ZNF385D: variants seen among roughly 807,000 people sequenced by gnomAD.
ZNF385D encodes zinc finger protein 385D.
ZNF385D carries 15 observed loss-of-function variants against 35.8 expected under a neutral mutation model. The ratio of observed to expected loss-of-function variants is 0.42; its 90% confidence interval spans 0.28 to 0.64. The LOEUF (loss-of-function observed/expected upper bound fraction) is 0.64. Among genes scored for constraint, ZNF385D ranks in the 30% least tolerant of loss-of-function variants. The pLI is 0.23. For missense variants in ZNF385D, 474 were observed against 494.6 expected (o/e 0.96, Z 0.39); for synonymous variants, 212 against 186.8 (o/e 1.13, Z -1.10).
Position 21,932,577 on chromosome 3 carries a change from C to T in ZNF385D, c.325+236240G>A, listed in dbSNP as rs145786200. ...TGCAGTTACTTTATGTGGCTGATTACGTGGGGAGACAAAAGCTTTAACAAT... is the reference window on the plus strand; with the variant it reads ...TGCAGTTACTTTATGTGGCTGATTATGTGGGGAGACAAAAGCTTTAACAAT... On this transcript the variant is annotated intron_variant, in intron 3 of 5. Coordinates refer to the ZNF385D transcript ENST00000494108. 2.5e-3 allele frequency among the ~76,000 whole-genome samples: 381 copies of T among 151,832 alleles called. 1 individual carries two copies. The highest frequency in any genetic ancestry group is 8.6e-3 in the African/African-American group (357 of 41,366).
At chr3:21,968,083 G>A (rs1703010862) in intron 3 of ZNF385D, among the ~76,000 whole-genome samples, 1 of 152,162 alleles carries the variant, frequency 6.6e-6, no homozygotes, top group South Asian at 2.1e-4. Context: ...GGTGCAGAGA[G>A]AGTATCCATG....
chr3:21,477,255 C>A (rs1232219494), intron 4 of ZNF385D, among the ~76,000 whole-genome samples: 1 of 151,816 alleles, frequency 6.6e-6, no homozygotes, highest in African/African-American at 2.4e-5. Flanking sequence ...CAAAACTAAA[C>A]AAAACAAACA....
chr3:21,843,084 A>C (rs1695779520), intron 3 of ZNF385D, among the ~76,000 whole-genome samples: 1 of 152,076 alleles, frequency 6.6e-6, no homozygotes, highest in African/African-American at 2.4e-5. Context: ...CTTTTATTGG[A>C]AACTATTTAT....
chr3:21,544,290 C>T (rs763447111), intron 3 of ZNF385D, among the ~76,000 whole-genome samples: 8 of 152,166 alleles, frequency 5.3e-5, no homozygotes, highest in Non-Finnish European at 7.3e-5. Context: ...ACAGACTTGA[C>T]TAAGAAGGCA....
At chr3:21,892,432 T>C (rs1698915944) in intron 3 of ZNF385D, among the ~76,000 whole-genome samples, 1 of 152,204 alleles carries the variant, frequency 6.6e-6, no homozygotes, top group South Asian at 2.1e-4. Context: ...AGTGTGCTCT[T>C]ACCCTTAACT....
At chr3:22,143,724 G>A (rs909484633) in intron 3 of ZNF385D, among the ~76,000 whole-genome samples, 1 of 151,998 alleles carries the variant, frequency 6.6e-6, no homozygotes, top group Admixed American at 6.6e-5. Flanking sequence ...TTTTACTTAA[G>A]ATTATGTTCT....
chr3:21,694,258 T>C (rs961243965), intron 1 of ZNF385D, among the ~76,000 whole-genome samples: 3 of 151,902 alleles, frequency 2.0e-5, no homozygotes, highest in African/African-American at 7.3e-5. Flanking sequence ...TTAGCCAGGA[T>C]GGTCTTGACC....
At chr3:22,297,875 G>A (rs7631669) in intron 2 of ZNF385D, among the ~76,000 whole-genome samples, 12,470 of 151,928 alleles carry the variant, frequency 0.082, 1,315 homozygotes, top group African/African-American at 0.25. Flanking sequence ...CGTACAACGC[G>A]TATTTTCATC....
At chr3:22,228,122 T>C (rs1372707532) in intron 2 of ZNF385D, among the ~76,000 whole-genome samples, 1 of 152,070 alleles carries the variant, frequency 6.6e-6, no homozygotes, top group Non-Finnish European at 1.5e-5. Flanking sequence ...GCAGAGATGG[T>C]AGCACTCAGC....
intron 3 of ZNF385D, among the ~76,000 whole-genome samples, chr3:22,048,038 GTCT>G (rs1699112966): frequency 6.6e-6 from 1 of 152,040 alleles, no homozygotes; most frequent in African/African-American, 2.4e-5. Context: ...TCATTTCTAT[GTCT>G]TCTTTTGAGA....
At chr3:22,241,027 T>G (rs1699465124) in intron 2 of ZNF385D, among the ~76,000 whole-genome samples, 1 of 151,246 alleles carries the variant, frequency 6.6e-6, no homozygotes. Context: ...TATGTGAATG[T>G]TCATTCAATT....
chr3:22,015,500 C>T (rs1351327), intron 3 of ZNF385D, among the ~76,000 whole-genome samples: 1 of 151,994 alleles, frequency 6.6e-6, no homozygotes, highest in South Asian at 2.1e-4. Context: ...TTCCAACATT[C>T]TGCTTCATCA....
chr3:21,778,950 G>A (rs1215224709), intron 3 of ZNF385D, among the ~76,000 whole-genome samples: 1 of 151,902 alleles, frequency 6.6e-6, no homozygotes, highest in East Asian at 1.9e-4. Flanking sequence ...AACAAACCTA[G>A]CCTGTTACAG....
At chr3:22,257,215 C>G (rs543938445) in intron 2 of ZNF385D, among the ~76,000 whole-genome samples, 9 of 151,800 alleles carry the variant, frequency 5.9e-5, no homozygotes, top group Non-Finnish European at 1.2e-4. Flanking sequence ...TTTTGACAAG[C>G]TATGTACCAT....
intron 3 of ZNF385D, among the ~76,000 whole-genome samples, chr3:22,027,554 G>A (rs930106820): frequency 4.6e-5 from 7 of 152,254 alleles, no homozygotes; most frequent in Non-Finnish European, 1.0e-4. Context: ...ACAGCTCTTG[G>A]CCTGTTACTG....
At chr3:21,488,720 T>C (rs1705206201) in intron 4 of ZNF385D, among the ~76,000 whole-genome samples, 1 of 152,096 alleles carries the variant, frequency 6.6e-6, no homozygotes, top group Non-Finnish European at 1.5e-5. Context: ...ATTAAAAAAA[T>C]GGCAACTGGA....
chr3:21,565,595 G>C, intron 2 of ZNF385D, among the ~76,000 whole-genome samples: 1 of 152,108 alleles, frequency 6.6e-6, no homozygotes, highest in East Asian at 1.9e-4. Context: ...GTCTATTAAA[G>C]TTGTGATGAA....
rs1390470604 is a variant in ZNF385D at position 22,244,746 on chromosome 3, G to A, written c.107-75711C>T. On this transcript the variant is annotated intron_variant, in intron 2 of 5. Coordinates refer to the ZNF385D transcript ENST00000494108. Reference sequence around the variant, plus strand: ...CCAAATGCAGGTATTTAATGCCTCAGGTATATTAAAAAGTATCAGCGAGCT... The same window carrying A: ...CCAAATGCAGGTATTTAATGCCTCAAGTATATTAAAAAGTATCAGCGAGCT... Among the ~76,000 whole-genome samples, 2 of 150,910 alleles carry A rather than the reference G, an allele frequency of 1.3e-5. 1 individual carries two copies. Among genetic ancestry groups the A allele is most frequent in the African/African-American group, 4.9e-5 (2 of 40,746 alleles).
intron 2 of ZNF385D, among the ~76,000 whole-genome samples, chr3:22,193,504 T>C (rs1007809562): frequency 8.5e-5 from 13 of 152,070 alleles, no homozygotes; most frequent in African/African-American, 2.4e-4. Context: ...TGGAAAAATA[T>C]GGGTTAAATG....
Sources: allele counts gnomAD v4.1 joint callset (sites outside exome capture counted in the v4.1 genomes callset), GRCh38; gene constraint gnomAD v4.1.1; transcripts MANE v1.5; gene names NCBI Gene and HGNC (gene_info 2026-07-23, HGNC 2026-07-21).